Variants in KCNK12 observed in about 807,000 individuals in gnomAD.
The protein encoded by KCNK12 is potassium two pore domain channel subfamily K member 12, also known as potassium channel subfamily K member 12.
In KCNK12, 6 loss-of-function variants were observed where a neutral mutation model predicts 25.3. The observed-to-expected ratio is 0.24, with a 90% CI of 0.13 to 0.47. The LOEUF (loss-of-function observed/expected upper bound fraction) is 0.47, where lower values mean the gene tolerates loss of function less well. Ranked by LOEUF, KCNK12 falls within the 20% of genes least tolerant of loss-of-function variation. The pLI, the probability that KCNK12 is intolerant of heterozygous loss-of-function variation, is 0.99. For missense variants in KCNK12, 444 were observed against 661.7 expected (o/e 0.67, Z 3.61); for synonymous variants, 331 against 311.1 (o/e 1.06, Z -0.67).
At chr2:47,546,040 G>C (rs1180624469) in intron 1 of KCNK12, among the ~76,000 whole-genome samples, 1 of 152,058 alleles carries the variant, frequency 6.6e-6, no homozygotes, top group East Asian at 1.9e-4. Context: ...CTATGGACAG[G>C]GAAAAGCTGT....
chr2:47,567,315 G>C (rs1669804205), intron 1 of KCNK12, among the ~76,000 whole-genome samples: 1 of 152,134 alleles, frequency 6.6e-6, no homozygotes, highest in Non-Finnish European at 1.5e-5. Flanking sequence ...AAAGAATCCT[G>C]ACTGCCCATT....
At position 47,521,399 on chromosome 2, in the gene KCNK12, G is replaced by T. The variant is rs376341506; in HGVS notation, c.801C>A (p.His267Gln). 1.2e-6 allele frequency: 2 copies of T among 1,613,482 alleles called. No individual in the cohort carries two copies. The highest frequency in any genetic ancestry group is 1.3e-5 in the African/African-American group (1 of 75,060). ...AGAGCCCCTGGTTCCGGTAGGCGGC[G>T]TGCTGGCTGCTCACCAGGTCCCCGA... is the stretch of plus-strand genomic sequence containing the variant. ...IGFGDLVSSQ[H>Q]AAYRNQGLYR... is the part of the protein sequence containing the mutation. Residue 267 changes from histidine (H) to glutamine (Q), a missense_variant, in exon 2 of 2, where the codon CAC (histidine) becomes CAA (glutamine). Physicochemically the swap from His to Gln is conservative, Grantham distance 24. Transcript: ENST00000327876.
In KCNK12 at chr2:47,556,497, G is replaced by A. The variant is rs1669553494; in HGVS notation, c.391+13444C>T. On this transcript the variant is annotated intron_variant, in intron 1 of 1. Coordinates refer to ENST00000327876, the MANE Select transcript of KCNK12 (RefSeq NM_022055.2). This position sits in a 1 kb window ranked among gnomAD's most constrained non-coding sequence, Gnocchi z 4.8. ...AGTAGGAAGTACAGTGGGATGTGGG[G>A]GGTGCTGCCAGTGTGGAGTGTCCAG... Among the ~76,000 whole-genome samples, 1 of 152,148 alleles carries A rather than the reference G, an allele frequency of 6.6e-6. No homozygotes were observed. The highest frequency in any genetic ancestry group is 1.5e-5 in the Non-Finnish European group (1 of 68,024).
chr2:47,570,251 G>A lies in KCNK12; in HGVS notation c.81C>T (p.Cys27=), dbSNP rs1292980333. The A allele has an allele frequency of 7.9e-6, 11 of 1,395,312 alleles. No homozygotes were observed. Among genetic ancestry groups the A allele is most frequent in the Non-Finnish European group, 1.0e-5 (11 of 1,070,242 alleles). The allele number at this position is 1,395,312 out of a possible 1,614,324, so 86.4% of individuals were successfully genotyped here. The change falls in exon 1 of 2, where the codon TGC becomes TGT. Residue 27 remains cysteine, a synonymous_variant. Coordinates refer to ENST00000327876, the MANE Select transcript of KCNK12 (RefSeq NM_022055.2). The part of the protein sequence containing the change: ...LPRPSCCCCC[C]RRSHLNEDTG... Reference sequence around the variant, plus strand: ...TGTCCTCGTTGAGGTGCGAACGGCGGCAGCAGCAGCAGCAGCAGGAGGGGC... The same window carrying A: ...TGTCCTCGTTGAGGTGCGAACGGCGACAGCAGCAGCAGCAGCAGGAGGGGC...
chr2:47,526,688 G>T (rs964658314), intron 1 of KCNK12, among the ~76,000 whole-genome samples: 1 of 152,106 alleles, frequency 6.6e-6, no homozygotes, highest in Non-Finnish European at 1.5e-5. Context: ...AGCCAAGATC[G>T]CGCCACTGCC....
In KCNK12 at chr2:47,560,833, G is replaced by C. The variant is rs1335067988; in HGVS notation, c.391+9108C>G. 6.6e-6 allele frequency among the ~76,000 whole-genome samples: 1 copy of C among 152,146 alleles called. No homozygotes were observed. Among genetic ancestry groups the C allele is most frequent in the Non-Finnish European group, 1.5e-5 (1 of 68,010 alleles). On this transcript the variant is annotated intron_variant, in intron 1 of 1. Coordinates refer to ENST00000327876, the MANE Select transcript of KCNK12 (RefSeq NM_022055.2). This position sits in a 1 kb window ranked among gnomAD's most constrained non-coding sequence, Gnocchi z 4.7. ...GAACAAAGGCATTGGCTGCTGGCATGATGGAGAGTTTGGAAAGGGGAGATA... is the reference window on the plus strand; with the variant it reads ...GAACAAAGGCATTGGCTGCTGGCATCATGGAGAGTTTGGAAAGGGGAGATA...
rs1187748694 is a variant in KCNK12, at chr2:47,545,853, G to GA, written c.392-24046dup. Among the ~76,000 whole-genome samples the GA allele has an allele frequency of 6.0e-5, 9 of 149,496 alleles. No individual in the cohort carries two copies. In the East Asian group the frequency reaches 1.4e-3, roughly 23 times the overall value. On this transcript the variant is annotated intron_variant, in intron 1 of 1. Transcript: ENST00000327876. ...CAGAATTTCTAAAGAGAGTAGATAAGAAAAAAATAGAGAAGAGGAGGTCAT... is the reference window on the plus strand; with the variant it reads ...CAGAATTTCTAAAGAGAGTAGATAAGAAAAAAAATAGAGAAGAGGAGGTCAT...
chr2:47,544,760 TG>T (rs1669276443), intron 1 of KCNK12, among the ~76,000 whole-genome samples: 1 of 152,146 alleles, frequency 6.6e-6, no homozygotes. Context: ...CTAGGTCCTG[TG>T]GGGGATGCAG....
chr2:47,552,431 C>G (rs1169321801), intron 1 of KCNK12, among the ~76,000 whole-genome samples: 4 of 152,160 alleles, frequency 2.6e-5, no homozygotes, highest in Admixed American at 2.0e-4. Flanking sequence ...GCCTTCCCCC[C>G]ATTATGAGAC....
intron 1 of KCNK12, chr2:47,564,163 CA>C (rs1241804097): frequency 8.6e-6 from 2 of 231,672 alleles, no homozygotes; most frequent in Non-Finnish European, 1.7e-5. Context: ...TGGAGAAAAC[CA>C]AGTGGATGTG....
chr2:47,528,302 G>C lies in KCNK12; in HGVS notation c.392-6494C>G, dbSNP rs953117630. On this transcript the variant is annotated intron_variant, in intron 1 of 1. Coordinates refer to ENST00000327876, the MANE Select transcript of KCNK12 (RefSeq NM_022055.2). The surrounding 1 kb of genome is among the most constrained non-coding windows in gnomAD (Gnocchi z 4.5). ...TTACTGCCCTTCGCTTTCCTACAGAGCACACTCAGCTCATCCTGGGAGACA... is the reference window on the plus strand; with the variant it reads ...TTACTGCCCTTCGCTTTCCTACAGACCACACTCAGCTCATCCTGGGAGACA... 1 of 152,518 alleles carries C rather than the reference G, an allele frequency of 6.6e-6. No individual in the cohort carries two copies. Among genetic ancestry groups the C allele is most frequent in the African/African-American group, 2.4e-5 (1 of 41,466 alleles). The allele number at this position is 152,518 out of a possible 1,614,324, so 9.4% of individuals were successfully genotyped here.
rs2104673370 is a variant in KCNK12, at chr2:47,513,720, C to T, written c.*7187G>A. Among the ~76,000 whole-genome samples the T allele has an allele frequency of 6.6e-6, 1 of 152,262 alleles. No individual in the cohort carries two copies. Among genetic ancestry groups the T allele is most frequent in the South Asian group, 2.1e-4 (1 of 4,812 alleles). The stretch of plus-strand genomic sequence containing the variant: ...TCTTCTGTTCCTCCTCCTGGGTTCC[C>T]AGGCTCAGTGGTGGCACCACTGTCT... On this transcript the variant is annotated 3_prime_UTR_variant, in exon 2 of 2. Transcript: ENST00000327876.
Position 47,533,894 on chromosome 2 carries a change from C to T in KCNK12, c.392-12086G>A, listed in dbSNP as rs1369660354. Among the ~76,000 whole-genome samples, 2 of 152,090 alleles carry T rather than the reference C, an allele frequency of 1.3e-5. No individual in the cohort carries two copies. The highest frequency in any genetic ancestry group is 2.9e-5 in the Non-Finnish European group (2 of 68,016). ...TGGGGTGGGAGCATCCAGTGCACCCCTCTTGCATTGGGTGCGCAGTGATCC... is the reference window on the plus strand; with the variant it reads ...TGGGGTGGGAGCATCCAGTGCACCCTTCTTGCATTGGGTGCGCAGTGATCC... On this transcript the variant is annotated intron_variant, in intron 1 of 1. Coordinates refer to ENST00000327876, the MANE Select transcript of KCNK12 (RefSeq NM_022055.2). This position sits in a 1 kb window ranked among gnomAD's most constrained non-coding sequence, Gnocchi z 4.7.
At chr2:47,524,084 C>T (rs935723567) in intron 1 of KCNK12, among the ~76,000 whole-genome samples, 2 of 152,138 alleles carry the variant, frequency 1.3e-5, no homozygotes, top group Non-Finnish European at 2.9e-5. Context: ...AGGGGAAAAT[C>T]TTATGATGTT....
At chr2:47,549,497 C>T (rs1020969394) in intron 1 of KCNK12, among the ~76,000 whole-genome samples, 1 of 152,040 alleles carries the variant, frequency 6.6e-6, no homozygotes, top group South Asian at 2.1e-4. Flanking sequence ...GAAACAGACC[C>T]AGAAATGCCA....
chr2:47,537,858 G>T (rs1468276031), intron 1 of KCNK12, among the ~76,000 whole-genome samples: 1 of 152,208 alleles, frequency 6.6e-6, no homozygotes, highest in Non-Finnish European at 1.5e-5. Context: ...GGAAGCAAGA[G>T]AAGCGGTTTG....
chr2:47,559,284 C>A (rs1349038206), intron 1 of KCNK12, among the ~76,000 whole-genome samples: 2 of 152,214 alleles, frequency 1.3e-5, no homozygotes, highest in Non-Finnish European at 2.9e-5. Flanking sequence ...ATTAAAGCAA[C>A]GGCCCAGCAG....
chr2:47,513,679 C>G lies in KCNK12; in HGVS notation c.*7228G>C, dbSNP rs1668457527. On this transcript the variant is annotated 3_prime_UTR_variant, in exon 2 of 2. Transcript: ENST00000327876. The stretch of plus-strand genomic sequence containing the variant: ...GGTCCCTGAAGTCCAACTTCTCCTT[C>G]ATTGAACTCATCACCTCTTCTGTTC... Among the ~76,000 whole-genome samples the G allele has an allele frequency of 6.6e-6, 1 of 152,160 alleles. No individual in the cohort carries two copies. Among genetic ancestry groups the G allele is most frequent in the African/African-American group, 2.4e-5 (1 of 41,434 alleles).
Position 47,519,510 on chromosome 2 carries a change from C to T in KCNK12, c.*1397G>A, listed in dbSNP as rs1266005480. On this transcript the variant is annotated 3_prime_UTR_variant, in exon 2 of 2. Coordinates refer to ENST00000327876, the MANE Select transcript of KCNK12 (RefSeq NM_022055.2). ...GAGAAAAATGGGCAGAGAGAGTGTT[C>T]GTTTACACCCCCAGACCACTATCCT... 1 of 152,208 alleles carries T rather than the reference C, an allele frequency of 6.6e-6. No homozygotes were observed. Among genetic ancestry groups the T allele is most frequent in the Non-Finnish European group, 1.5e-5 (1 of 68,056 alleles). The allele number at this position is 152,208 out of a possible 1,614,324, so 9.4% of individuals were successfully genotyped here. A position where few individuals can be genotyped will look rare whatever the true frequency, so the allele number is the denominator to read the frequency against.
Sources: allele counts gnomAD v4.1 joint callset (sites outside exome capture counted in the v4.1 genomes callset), GRCh38; gene constraint gnomAD v4.1.1; non-coding constraint Gnocchi (gnomAD v3.1); transcripts MANE v1.5; gene names NCBI Gene and HGNC (gene_info 2026-07-23, HGNC 2026-07-21).